The following MGAT4C variants were observed in gnomAD, a reference collection of about 807,000 sequenced individuals.
MGAT4C encodes alpha-1,3-mannosyl-glycoprotein 4-beta-N-acetylglucosaminyltransferase C.
In MGAT4C, 19 loss-of-function variants were observed where a neutral mutation model predicts 40.1. The ratio of observed to expected loss-of-function variants is 0.47; its 90% CI spans 0.33 to 0.70. The LOEUF is 0.70. Among genes scored for constraint, MGAT4C ranks in the 30% least tolerant of loss-of-function variants. MGAT4C has a pLI of 0.02. For synonymous variants in MGAT4C, 181 were observed against 187.1 expected, an observed-to-expected ratio of 0.97 and a Z score of 0.27; for missense variants, 491 against 563.2, an observed-to-expected ratio of 0.87 and a Z score of 1.30.
At chr12:86,261,921 C>T (rs1421986671) in intron 4 of MGAT4C, among the ~76,000 whole-genome samples, 1 of 152,084 alleles carries the variant, frequency 6.6e-6, no homozygotes, top group African/African-American at 2.4e-5. Flanking sequence ...AAAGGCAACC[C>T]CTTTAACCCA....
At chr12:86,061,600 G>T (rs979250470) in intron 1 of MGAT4C, among the ~76,000 whole-genome samples, 10 of 152,174 alleles carry the variant, frequency 6.6e-5, no homozygotes, top group Middle Eastern at 3.4e-3. Context: ...CCCCCATGGA[G>T]CCCAGCAAGC....
rs1403199149 is a variant in MGAT4C, at chr12:85,958,761, CTG to C, written c.*20526_*20527del. On this transcript the variant is annotated 3_prime_UTR_variant, in exon 5 of 5. Coordinates refer to ENST00000611864, the MANE Select transcript of MGAT4C (RefSeq NM_001351288.2). Reference sequence around the variant, plus strand: ...TTACTAAAATTAATAAAAAGATTAACTGTTACTAAATTAAAGCTCCTTCAAAA... The same window carrying C: ...TTACTAAAATTAATAAAAAGATTAACTTACTAAATTAAAGCTCCTTCAAAA... 4 of 152,014 alleles carry C rather than the reference CTG, an allele frequency of 2.6e-5. No individual in the cohort carries two copies. The highest frequency in any genetic ancestry group is 9.6e-5 in the African/African-American group (4 of 41,486). 9.4% of individuals were successfully genotyped at this position (152,014 alleles called of 1,614,324 possible).
Position 86,514,067 on chromosome 12 carries a change from A to AACACACAC in MGAT4C, c.-228-78810_-228-78803dup, listed in dbSNP as rs71078908. On this transcript the variant is annotated intron_variant, in intron 2 of 7. Coordinates refer to the MGAT4C transcript ENST00000548651. ...TAAGTGTTGAATGAAGCCATGCACC[A>AACACACAC]ACACACACACACACACACACACACA... is the stretch of plus-strand genomic sequence containing the variant. Among the ~76,000 whole-genome samples, 1,066 of 134,002 alleles carry AACACACAC rather than the reference A, an allele frequency of 8.0e-3. 12 individuals carry two copies. Among genetic ancestry groups the AACACACAC allele is most frequent in the East Asian group, 0.038 (169 of 4,440 alleles). The allele number at this position is 134,002 out of a possible 152,430, so 87.9% of individuals were successfully genotyped here.
chr12:86,827,633 C>A (rs551749005), intron 1 of MGAT4C, among the ~76,000 whole-genome samples: 44 of 151,222 alleles, frequency 2.9e-4, no homozygotes, highest in African/African-American at 1.1e-3. Context: ...AGAAAAATGC[C>A]TTGGAAAGAC....
At chr12:86,694,238 T>C (rs78120058) in intron 2 of MGAT4C, among the ~76,000 whole-genome samples, 1 of 152,294 alleles carries the variant, frequency 6.6e-6, no homozygotes, top group East Asian at 1.9e-4. Flanking sequence ...AATTACCCTT[T>C]GTAAGCTAGT....
intron 1 of MGAT4C, among the ~76,000 whole-genome samples, chr12:86,085,536 G>A (rs1401068114): frequency 1.3e-5 from 2 of 151,914 alleles, no homozygotes; most frequent in African/African-American, 4.8e-5. Context: ...TATTTCTGAG[G>A]CCTCTTTTCT....
At chr12:86,038,698 C>T (rs1433921259) in intron 2 of MGAT4C, among the ~76,000 whole-genome samples, 2 of 149,854 alleles carry the variant, frequency 1.3e-5, no homozygotes, top group Non-Finnish European at 3.0e-5. Flanking sequence ...ATTTGCAAGG[C>T]TTTATCTTTT....
chr12:86,212,702 A>C (rs1950519993), intron 1 of MGAT4C, among the ~76,000 whole-genome samples: 1 of 144,588 alleles, frequency 6.9e-6, no homozygotes, highest in Non-Finnish European at 1.5e-5. Flanking sequence ...TCCCGGCTAA[A>C]ACGGTGAAAC....
chr12:86,285,776 G>T (rs555098578), intron 4 of MGAT4C, among the ~76,000 whole-genome samples: 2 of 151,990 alleles, frequency 1.3e-5, no homozygotes, highest in South Asian at 4.1e-4. Flanking sequence ...ATTGCAAATT[G>T]CCTAAAGATC....
chr12:86,725,411 T>C (rs570999600), intron 2 of MGAT4C, among the ~76,000 whole-genome samples: 2 of 152,286 alleles, frequency 1.3e-5, no homozygotes, highest in South Asian at 2.1e-4. Context: ...TCCACAAAAA[T>C]GGGATAAACA....
chr12:86,255,156 G>A (rs1461222226), intron 1 of MGAT4C, among the ~76,000 whole-genome samples: 3 of 152,052 alleles, frequency 2.0e-5, no homozygotes, highest in Non-Finnish European at 4.4e-5. Flanking sequence ...ACCCTAGGAG[G>A]AATGGAGATG....
At chr12:86,289,188 G>A (rs1953436561) in intron 4 of MGAT4C, among the ~76,000 whole-genome samples, 1 of 152,072 alleles carries the variant, frequency 6.6e-6, no homozygotes, top group African/African-American at 2.4e-5. Flanking sequence ...TCCTGTTTTT[G>A]TCAACTTTGT....
intron 3 of MGAT4C, among the ~76,000 whole-genome samples, chr12:86,356,793 G>A (rs1955323656): frequency 1.3e-5 from 2 of 152,050 alleles, no homozygotes. Context: ...GGCCATTGCT[G>A]AGGATTGAGT....
intron 2 of MGAT4C, among the ~76,000 whole-genome samples, chr12:86,587,504 G>T (rs1046157413): frequency 6.6e-6 from 1 of 151,964 alleles, no homozygotes; most frequent in Non-Finnish European, 1.5e-5. Context: ...TTGGTAGCTT[G>T]ATGGGGATGG....
intron 1 of MGAT4C, among the ~76,000 whole-genome samples, chr12:86,252,857 T>A (rs1156701296): frequency 6.6e-6 from 1 of 151,928 alleles, no homozygotes; most frequent in Non-Finnish European, 1.5e-5. Flanking sequence ...GAACATACAT[T>A]ATAAATACAA....
chr12:86,440,015 G>A (rs1275411659), intron 2 of MGAT4C, among the ~76,000 whole-genome samples: 1 of 151,878 alleles, frequency 6.6e-6, no homozygotes, highest in Non-Finnish European at 1.5e-5. Context: ...TTCAGGGTCA[G>A]ATGGCTTCAC....
chr12:86,384,349 T>A (rs1486588243), intron 3 of MGAT4C, among the ~76,000 whole-genome samples: 1 of 152,188 alleles, frequency 6.6e-6, no homozygotes, highest in Non-Finnish European at 1.5e-5. Flanking sequence ...TGCAGGATTT[T>A]AGACATTAGG....
intron 2 of MGAT4C, among the ~76,000 whole-genome samples, chr12:86,574,799 C>T (rs1052008186): frequency 6.6e-6 from 1 of 151,576 alleles, no homozygotes; most frequent in Non-Finnish European, 1.5e-5. Context: ...TTTTTATTAA[C>T]CTATTTATAT....
intron 2 of MGAT4C, among the ~76,000 whole-genome samples, chr12:86,437,588 T>C (rs1180655764): frequency 1.3e-5 from 2 of 151,944 alleles, no homozygotes; most frequent in African/African-American, 4.8e-5. Flanking sequence ...CAATTTGCTT[T>C]ATTGTACTTT....
Sources: gnomAD v4.1 joint callset for allele counts (sites outside exome capture counted in the v4.1 genomes callset) on GRCh38, gnomAD v4.1.1 for gene constraint, MANE v1.5 for transcripts, NCBI Gene and HGNC (gene_info 2026-07-23, HGNC 2026-07-21) for gene names.